The following FSTL4 variants were observed in gnomAD, a reference collection of about 807,000 sequenced individuals.
The protein encoded by FSTL4 is follistatin like 4, also known as follistatin-related protein 4.
Under a neutral mutation model 78.2 loss-of-function variants are expected in FSTL4, and 28 were observed. The ratio of observed to expected loss-of-function variants is 0.36; its 90% CI spans 0.27 to 0.49. The LOEUF is 0.49. FSTL4 is among the 20% of genes least tolerant of loss of function. FSTL4 has a pLI of 0.98. For synonymous variants in FSTL4, 422 were observed against 440.5 expected, an observed-to-expected ratio of 0.96 and a Z score of 0.53; for missense variants, 922 against 1,084.9, an observed-to-expected ratio of 0.85 and a Z score of 2.11.
At chr5:133,295,730 C>G (rs1753379127) in intron 6 of FSTL4, among the ~76,000 whole-genome samples, 1 of 152,204 alleles carries the variant, frequency 6.6e-6, no homozygotes, top group African/African-American at 2.4e-5. Flanking sequence ...CAGCTGACCG[C>G]TTCCTGACTC....
chr5:133,821,955 G>A, the FSTL4 span, among the ~76,000 whole-genome samples: 3 of 152,168 alleles, frequency 2.0e-5, no homozygotes, highest in African/African-American at 7.2e-5. Context: ...ACAGTGAGAA[G>A]GGAAGAATGA....
the FSTL4 span, among the ~76,000 whole-genome samples, chr5:133,813,919 C>T: frequency 2.0e-5 from 3 of 152,196 alleles, no homozygotes; most frequent in Non-Finnish European, 4.4e-5. Context: ...AGAGCAACTC[C>T]ATTGCAAAGA....
At chr5:133,507,118 G>A (rs1205362694) in intron 3 of FSTL4, among the ~76,000 whole-genome samples, 1 of 152,160 alleles carries the variant, frequency 6.6e-6, no homozygotes, top group Non-Finnish European at 1.5e-5. Context: ...TAAGGCAGGA[G>A]AATCGCTTGA....
Position 133,603,989 on chromosome 5 carries a change from T to G in FSTL4, c.-6A>C, listed in dbSNP as rs780283193. On this transcript the variant is annotated 5_prime_UTR_variant, in exon 2 of 16. Transcript: ENST00000265342. ...CAAAAGCCTCCTGGTTTCATTTTGA[T>G]GAGTCTGTTGAAGAAATGACAAATG... 1.6e-5 allele frequency: 26 copies of G among 1,606,810 alleles called. No individual in the cohort carries two copies. The highest frequency in any genetic ancestry group is 2.0e-5 in the Non-Finnish European group (23 of 1,173,496).
intron 3 of FSTL4, among the ~76,000 whole-genome samples, chr5:133,512,908 T>A (rs1022152687): frequency 4.6e-5 from 7 of 152,146 alleles, no homozygotes; most frequent in Admixed American, 6.5e-5. Context: ...ACCTCCACTT[T>A]CCAGGTTCAA....
chr5:133,364,536 C>T (rs1053109864), intron 4 of FSTL4, among the ~76,000 whole-genome samples: 3 of 152,218 alleles, frequency 2.0e-5, no homozygotes, highest in African/African-American at 7.2e-5. Flanking sequence ...TCCCTCCTGA[C>T]ACATTAGCAA....
At chr5:133,816,676 G>A in the FSTL4 span, among the ~76,000 whole-genome samples, 2 of 152,324 alleles carry the variant, frequency 1.3e-5, no homozygotes, top group African/African-American at 4.8e-5. Context: ...CAAACCCCAC[G>A]AGTGTCATTC....
At chr5:133,394,946 A>C (rs1301791721) in intron 4 of FSTL4, among the ~76,000 whole-genome samples, 2 of 152,176 alleles carry the variant, frequency 1.3e-5, no homozygotes, top group Non-Finnish European at 2.9e-5. Flanking sequence ...AAAGTTTGTA[A>C]ATGCACCAAT....
rs114169658 is a variant in FSTL4 at position 133,532,699 on chromosome 5, C to T, written c.160+34487G>A. On this transcript the variant is annotated intron_variant, in intron 3 of 15. Coordinates refer to ENST00000265342, the MANE Select transcript of FSTL4 (RefSeq NM_015082.2). ...AAATGTACATTGCACGGTAAACATA[C>T]GCTGGATTTGCTCTGATAACCAAGG... 5.7e-3 allele frequency among the ~76,000 whole-genome samples: 864 copies of T among 152,316 alleles called. 4 individuals carry two copies. The highest frequency in any genetic ancestry group is 8.3e-3 in the Non-Finnish European group (564 of 68,028).
At chr5:133,752,619 AAAATAAAATT>A in the FSTL4 span, among the ~76,000 whole-genome samples, 3 of 150,606 alleles carry the variant, frequency 2.0e-5, no homozygotes, top group East Asian at 2.0e-4. Context: ...CAAATAAAAT[AAAATAAAATT>A]AAATTAAATT....
chr5:133,335,501 C>G (rs775302368), intron 4 of FSTL4, among the ~76,000 whole-genome samples: 25 of 152,058 alleles, frequency 1.6e-4, no homozygotes, highest in South Asian at 2.1e-4. Flanking sequence ...CCAGTCATGC[C>G]TGACTGGCCA....
intron 6 of FSTL4, among the ~76,000 whole-genome samples, chr5:133,263,798 G>T (rs149402483): frequency 6.6e-6 from 1 of 152,192 alleles, no homozygotes; most frequent in Non-Finnish European, 1.5e-5. Flanking sequence ...AGAATTGTAT[G>T]CTACAAGAGA....
chr5:133,435,952 T>G (rs934942723), intron 3 of FSTL4, among the ~76,000 whole-genome samples: 2 of 152,228 alleles, frequency 1.3e-5, no homozygotes, highest in Non-Finnish European at 2.9e-5. Flanking sequence ...AATCTCCTTA[T>G]GCCATTTGGC....
At chr5:133,221,074 A>AAAG in intron 11 of FSTL4, 1 of 662,416 alleles carries the variant, frequency 1.5e-6, no homozygotes, top group Non-Finnish European at 2.8e-6. Flanking sequence ...ATGAATCAGT[A>AAAG]AAGCATGTCA....
At chr5:133,625,491 G>A in the FSTL4 span, among the ~76,000 whole-genome samples, 9 of 151,006 alleles carry the variant, frequency 6.0e-5, no homozygotes, top group African/African-American at 2.2e-4. Context: ...GGTAATCTGT[G>A]CCTTCTCCCC....
chr5:133,819,774 C>G, the FSTL4 span, among the ~76,000 whole-genome samples: 2 of 152,178 alleles, frequency 1.3e-5, no homozygotes, highest in Non-Finnish European at 2.9e-5. Context: ...CTGAATGAAG[C>G]CTTGCACATA....
At chr5:133,368,044 G>C (rs906578496) in intron 4 of FSTL4, among the ~76,000 whole-genome samples, 1 of 152,278 alleles carries the variant, frequency 6.6e-6, no homozygotes, top group Admixed American at 6.5e-5. Context: ...CCTTGTCCAA[G>C]GGGAGTTCTG....
chr5:133,312,879 G>A, intron 5 of FSTL4, 102 bp from the exon 6 acceptor site: 1 of 1,113,874 alleles, frequency 9.0e-7, no homozygotes, highest in Non-Finnish European at 1.3e-6. Context: ...GGACAGCTCA[G>A]TGGGCCTTGA....
intron 3 of FSTL4, among the ~76,000 whole-genome samples, chr5:133,500,782 T>G (rs576265110): frequency 3.9e-5 from 6 of 152,184 alleles, no homozygotes; most frequent in African/African-American, 1.4e-4. Flanking sequence ...ATTCTACCTC[T>G]AACCTTTCTG....
Sources: gnomAD v4.1 joint callset for allele counts (sites outside exome capture counted in the v4.1 genomes callset) on GRCh38, gnomAD v4.1.1 for gene constraint, MANE v1.5 for transcripts, NCBI Gene and HGNC (gene_info 2026-07-23, HGNC 2026-07-21) for gene names.